HDLBP: variants seen among roughly 807,000 people sequenced by gnomAD.
HDLBP encodes the protein vigilin.
Under a neutral mutation model 137.3 loss-of-function variants are expected in HDLBP, and 30 were observed. That is an observed-to-expected ratio of 0.22 (90% CI 0.16 to 0.30). The LOEUF (loss-of-function observed/expected upper bound fraction) is 0.30, where lower values mean the gene tolerates loss of function less well. HDLBP is among the 10% of genes least tolerant of loss of function. The probability of loss-of-function intolerance (pLI) is 1.00; values close to 1 mark genes in which losing one functional copy is unlikely to be tolerated. For missense variants in HDLBP, 1,119 were observed against 1,667.3 expected, an observed-to-expected ratio of 0.67 and a Z score of 5.73; for synonymous variants, 606 against 596.0, an observed-to-expected ratio of 1.02 and a Z score of -0.24.
intron 1 of HDLBP, among the ~76,000 whole-genome samples, chr2:241,283,020 CA>C (rs2074663897): frequency 6.6e-6 from 1 of 152,134 alleles, no homozygotes; most frequent in Non-Finnish European, 1.5e-5. Flanking sequence ...ACCAAATAGC[CA>C]AGCTGTGAAT....
At chr2:241,242,203 A>G (rs1337566887) in intron 17 of HDLBP, among the ~76,000 whole-genome samples, 1 of 152,258 alleles carries the variant, frequency 6.6e-6, no homozygotes, top group Non-Finnish European at 1.5e-5. Flanking sequence ...TTTACTGTAA[A>G]TCATATTTAA....
In HDLBP at chr2:241,272,516, C is replaced by T. The variant is rs2074164750; in HGVS notation, c.-102-3975G>A. ...GAAAGTTTGTGCGCGCCCCTCCGCG[C>T]CACGGCCACGCGCAGAAGAGACTCG... On this transcript the variant is annotated intron_variant, in intron 1 of 27. Coordinates refer to ENST00000310931, the MANE Select transcript of HDLBP (RefSeq NM_005336.6). The surrounding 1 kb of genome is among the most constrained non-coding windows in gnomAD (Gnocchi z 5.6). 2.0e-6 allele frequency: 2 copies of T among 984,524 alleles called. No individual in the cohort carries two copies. The highest frequency in any genetic ancestry group is 1.2e-6 in the Non-Finnish European group (1 of 829,694). 61.0% of individuals were successfully genotyped at this position (984,524 alleles called of 1,614,324 possible). A position where few individuals can be genotyped will look rare whatever the true frequency, so the allele number is the denominator to read the frequency against.
chr2:241,305,763 T>G (rs942954675), intron 1 of HDLBP, among the ~76,000 whole-genome samples: 35 of 145,580 alleles, frequency 2.4e-4, no homozygotes, highest in Non-Finnish European at 2.8e-4. Flanking sequence ...TTTATTTGTT[T>G]TTTTTTTTTT....
intron 1 of HDLBP, among the ~76,000 whole-genome samples, chr2:241,270,801 C>T (rs1163826771): frequency 6.6e-6 from 1 of 152,224 alleles, no homozygotes; most frequent in Non-Finnish European, 1.5e-5. Context: ...CCCAGGACAG[C>T]GCCAGGCAAC....
chr2:241,312,740 T>C (rs1164739640), intron 1 of HDLBP, among the ~76,000 whole-genome samples: 1 of 152,226 alleles, frequency 6.6e-6, no homozygotes, highest in Admixed American at 6.5e-5. Context: ...AATATCACTT[T>C]GTACTCCAAA....
At chr2:241,283,647 TG>T (rs372227892) in intron 1 of HDLBP, among the ~76,000 whole-genome samples, 5,042 of 152,068 alleles carry the variant, frequency 0.033, 498 homozygotes, top group Admixed American at 0.19. Context: ...GCTAATTTTT[TG>T]TATTTTTAGT....
intron 1 of HDLBP, among the ~76,000 whole-genome samples, chr2:241,295,131 G>A (rs566970614): frequency 1.0e-3 from 156 of 152,144 alleles, no homozygotes; most frequent in African/African-American, 3.5e-3. Flanking sequence ...AAACATATAC[G>A]TGGCTGACCG....
rs2069229450 is a variant in HDLBP at position 241,227,364 on chromosome 2, T to C, written c.*2237A>G. On this transcript the variant is annotated 3_prime_UTR_variant, in exon 28 of 28. Transcript: ENST00000310931. Reference sequence around the variant, plus strand: ...ATATTCATGAGCCTTTACACATGTTTGCATATAATCTCCAAATTCCAAAGT... The same window carrying C: ...ATATTCATGAGCCTTTACACATGTTCGCATATAATCTCCAAATTCCAAAGT... 1 of 152,576 alleles carries C rather than the reference T, an allele frequency of 6.6e-6. No homozygotes were observed. Among genetic ancestry groups the C allele is most frequent in the Non-Finnish European group, 1.5e-5 (1 of 68,042 alleles). 9.5% of individuals were successfully genotyped at this position (152,576 alleles called of 1,614,324 possible).
chr2:241,284,905 C>T (rs564269425), intron 1 of HDLBP, among the ~76,000 whole-genome samples: 3 of 152,320 alleles, frequency 2.0e-5, no homozygotes, highest in African/African-American at 7.2e-5. Context: ...GATGGAGTCT[C>T]ACTCAGTTGC....
At chr2:241,292,138 A>G (rs2075031057) in intron 1 of HDLBP, among the ~76,000 whole-genome samples, 1 of 152,208 alleles carries the variant, frequency 6.6e-6, no homozygotes, top group Non-Finnish European at 1.5e-5. Context: ...TGGCTGCTCA[A>G]CGTGCAACAC....
chr2:241,232,273 G>A (rs942118661), intron 24 of HDLBP, among the ~76,000 whole-genome samples: 2 of 144,560 alleles, frequency 1.4e-5, no homozygotes, highest in African/African-American at 5.0e-5. Context: ...GCTAAACAAT[G>A]ACTTTTTTTT....
At chr2:241,257,102 C>A (rs1336398224) in intron 5 of HDLBP, among the ~76,000 whole-genome samples, 4 of 151,986 alleles carry the variant, frequency 2.6e-5, no homozygotes, top group Non-Finnish European at 4.4e-5. Flanking sequence ...AGAAGCATGA[C>A]TGCATATCCA....
rs752053680 is a variant in HDLBP at position 241,256,753 on chromosome 2, T to C, written c.504A>G (p.Lys168=). 17 of 1,614,226 alleles carry C rather than the reference T, an allele frequency of 1.1e-5. No individual in the cohort carries two copies. The highest frequency in any genetic ancestry group is 1.4e-5 in the Non-Finnish European group (17 of 1,180,052). ...CCAAGTCTTGCAGTTTCTCTCCATT[T>C]TTGCCAATAACAAAGCGATGGTGTT... ...PKEHHRFVIG[K]NGEKLQDLEL... Residue 168 remains lysine, a synonymous_variant, in exon 6 of 28, where the codon AAA becomes AAG. Transcript: ENST00000310931.
chr2:241,236,990 G>T (rs1010006405), intron 20 of HDLBP, among the ~76,000 whole-genome samples: 5 of 147,660 alleles, frequency 3.4e-5, no homozygotes, highest in Admixed American at 2.0e-4. Context: ...GGGGGGGGGG[G>T]GGGGCGGCAA....
intron 1 of HDLBP, among the ~76,000 whole-genome samples, chr2:241,314,728 G>A (rs903277266): frequency 3.9e-5 from 6 of 152,156 alleles, no homozygotes; most frequent in Non-Finnish European, 8.8e-5. Context: ...CTAGCCTTGA[G>A]CACCTAACCA....
rs1662183969 is a variant in HDLBP, at chr2:241,272,385, C to T, written c.-102-3844G>A. 1.0e-6 allele frequency: 1 copy of T among 984,596 alleles called. No homozygotes were observed. The highest frequency in any genetic ancestry group is 4.7e-5 in the South Asian group (1 of 21,232). The allele number at this position is 984,596 out of a possible 1,614,324, so 61.0% of individuals were successfully genotyped here. A position where few individuals can be genotyped will look rare whatever the true frequency, so the allele number is the denominator to read the frequency against. On this transcript the variant is annotated intron_variant, in intron 1 of 27. Coordinates refer to ENST00000310931, the MANE Select transcript of HDLBP (RefSeq NM_005336.6). The surrounding 1 kb of genome is among the most constrained non-coding windows in gnomAD (Gnocchi z 5.6). ...CCTGGGCTCAGGTCGGCCGCCCCTC[C>T]GCGCCGTGCGGCCACGGCACCAGGG...
intron 12 of HDLBP, 52 bp downstream of exon 12, chr2:241,249,789 C>T (rs2071977183): frequency 1.0e-5 from 16 of 1,531,846 alleles, no homozygotes; most frequent in Non-Finnish European, 1.4e-5. Flanking sequence ...TTAGAGGGGG[C>T]CAAGAGACGC....
intron 1 of HDLBP, among the ~76,000 whole-genome samples, chr2:241,282,791 A>G (rs1225500886): frequency 6.6e-6 from 1 of 152,114 alleles, no homozygotes; most frequent in Non-Finnish European, 1.5e-5. Flanking sequence ...GACTGCTCCA[A>G]CTGGCCACTC....
intron 1 of HDLBP, among the ~76,000 whole-genome samples, chr2:241,280,512 G>C (rs1025075169): frequency 1.3e-5 from 2 of 152,186 alleles, no homozygotes; most frequent in Non-Finnish European, 1.5e-5. Flanking sequence ...TTTTCAGGAA[G>C]TAACAGAAAA....
Sources: gnomAD v4.1 joint callset for allele counts (sites outside exome capture counted in the v4.1 genomes callset) on GRCh38, gnomAD v4.1.1 for gene constraint, Gnocchi (gnomAD v3.1) non-coding constraint, MANE v1.5 for transcripts, NCBI Gene and HGNC (gene_info 2026-07-23, HGNC 2026-07-21) for gene names.